The following DNAJC22 variants were observed in gnomAD, a reference collection of about 807,000 sequenced individuals.
The protein encoded by DNAJC22 is dnaJ homolog subfamily C member 22.
In DNAJC22, 24 loss-of-function variants were observed where a neutral mutation model predicts 22.2. The ratio of observed to expected loss-of-function variants is 1.08; its 90% confidence interval spans 0.78 to 1.52. The LOEUF (loss-of-function observed/expected upper bound fraction) is 1.52, where lower values mean the gene tolerates loss of function less well. DNAJC22 is among the 40% of genes most tolerant of loss of function. The pLI is 0.00. For synonymous variants in DNAJC22, 160 were observed against 167.4 expected, an observed-to-expected ratio of 0.96 and a Z score of 0.34; for missense variants, 434 against 421.7, an observed-to-expected ratio of 1.03 and a Z score of -0.26.
At position 49,351,713 on chromosome 12, in the gene DNAJC22, A is replaced by C. The variant is rs963483750; in HGVS notation, c.*211A>C. 8 of 358,728 alleles carry C rather than the reference A, an allele frequency of 2.2e-5. No homozygotes were observed. The highest frequency in any genetic ancestry group is 3.9e-5 in the Non-Finnish European group (8 of 204,876). 22.2% of individuals were successfully genotyped at this position (358,728 alleles called of 1,614,324 possible). The stretch of plus-strand genomic sequence containing the variant: ...GAGTTCGAGACCAGCAGCCTGGCCA[A>C]TATAGTGAAACTTCGTCTCTACTAA... On this transcript the variant is annotated 3_prime_UTR_variant, in exon 4 of 4. Transcript: ENST00000549441.
rs1314923289 is a variant in DNAJC22 at position 49,348,766 on chromosome 12, G to T, written c.-107G>T. ...GACTCTACTTTTTCCCATCTCTTAG[G>T]GTCTAAGGATAACTCTGGGGCCATG... is the stretch of plus-strand genomic sequence containing the variant. On this transcript the variant is annotated splice_region_variant and 5_prime_UTR_variant, in exon 3 of 4. Transcript: ENST00000549441. 2.9e-6 allele frequency: 4 copies of T among 1,384,286 alleles called. No individual in the cohort carries two copies. Among genetic ancestry groups the T allele is most frequent in the Admixed American group, 5.4e-5 (2 of 37,116 alleles). 85.8% of individuals were successfully genotyped at this position (1,384,286 alleles called of 1,614,324 possible).
rs1943749498 is a variant in DNAJC22 at position 49,349,480 on chromosome 12, A to G, written c.608A>G (p.Asn203Ser). ...TGPLAYSALCNTAATLSYVAE... is the reference protein window; with the variant it reads ...TGPLAYSALCSTAATLSYVAE... ...CCACTGGCATACAGTGCCCTCTGCA[A>G]CACAGCTGCCACCCTCAGCTATGTG... The change falls in exon 3 of 4, where the codon AAC (asparagine) becomes AGC (serine). Residue 203 changes from asparagine (N) to serine (S), a missense_variant. Coordinates refer to ENST00000549441, the MANE Select transcript of DNAJC22 (RefSeq NM_001304944.2). 2.5e-6 allele frequency: 4 copies of G among 1,614,202 alleles called. No individual in the cohort carries two copies. The East Asian group carries it at 8.9e-5, about 36-fold the overall frequency.
In DNAJC22 at chr12:49,352,543, T is replaced by C. The variant is rs1943796986; in HGVS notation, c.*1041T>C. 7.0e-6 allele frequency: 1 copy of C among 142,008 alleles called. No individual in the cohort carries two copies. The highest frequency in any genetic ancestry group is 2.1e-4 in the South Asian group (1 of 4,814). 8.8% of individuals were successfully genotyped at this position (142,008 alleles called of 1,614,324 possible). A position where few individuals can be genotyped will look rare whatever the true frequency, so the allele number is the denominator to read the frequency against. ...CTCAAAAATTAAATAAATAAATAAG[T>C]AAGTAAATAAATAAATAAATAAATG... On this transcript the variant is annotated 3_prime_UTR_variant, in exon 4 of 4. Transcript: ENST00000549441.
chr12:49,351,101 T>C (rs751944722), intron 3 of DNAJC22: 5 of 956,586 alleles, frequency 5.2e-6, no homozygotes, highest in Non-Finnish European at 6.2e-6. Flanking sequence ...TTGTCTATGT[T>C]TCAAAAGGCT....
At position 49,348,967 on chromosome 12, in the gene DNAJC22, T is replaced by A; in HGVS notation, c.95T>A (p.Leu32Gln). 6 of 1,542,364 alleles carry A rather than the reference T, an allele frequency of 3.9e-6. No individual in the cohort carries two copies. The highest frequency in any genetic ancestry group is 5.2e-6 in the Non-Finnish European group (6 of 1,147,988). The stretch of plus-strand genomic sequence containing the variant: ...TACCTGGGAAGGGACAGCCACGCCC[T>A]GCTCTGGATGCTGACCCTGGGGGGA... ...HLYLGRDSHA[L>Q]LWMLTLGGGG... Residue 32 changes from leucine to glutamine, a missense_variant, in exon 3 of 4, where the codon CTG becomes CAG. Leu to Gln is a moderately radical substitution (Grantham distance 113). Coordinates refer to ENST00000549441, the MANE Select transcript of DNAJC22 (RefSeq NM_001304944.2).
rs896639230 is a variant in DNAJC22 at position 49,349,406 on chromosome 12, C to A, written c.534C>A (p.Leu178=). 4 of 1,610,052 alleles carry A rather than the reference C, an allele frequency of 2.5e-6. No individual in the cohort carries two copies. The African/African-American group carries it at 5.4e-5, about 22-fold the overall frequency. ...AAGCTTTGGTGGCATCAGAGCCGCTCAGTGTGCGGCTCTATCGTCTGGGCT... is the reference window on the plus strand; with the variant it reads ...AAGCTTTGGTGGCATCAGAGCCGCTAAGTGTGCGGCTCTATCGTCTGGGCT... ...RYKALVASEP[L]SVRLYRLGLA... Residue 178 remains leucine, a synonymous_variant, in exon 3 of 4, where the codon CTC becomes CTA. Transcript: ENST00000549441.
At position 49,350,220 on chromosome 12, in the gene DNAJC22, ACGT is replaced by A. The variant is rs1943762365; in HGVS notation, c.840+509_840+511del. Reference sequence around the variant, plus strand: ...GCCTCCCGAGTAGCTGGGACTACAGACGTGTGCCACCACGCCCGGCTAATTTTT... The same window carrying A: ...GCCTCCCGAGTAGCTGGGACTACAGAGTGCCACCACGCCCGGCTAATTTTT... On this transcript the variant is annotated intron_variant, in intron 3 of 3. Transcript: ENST00000549441. 6.1e-5 allele frequency among the ~76,000 whole-genome samples: 9 copies of A among 147,972 alleles called. No individual in the cohort carries two copies. The South Asian group carries it at 2.0e-3, about 32-fold the overall frequency.
At position 49,351,421 on chromosome 12, in the gene DNAJC22, G is replaced by C; in HGVS notation, c.945G>C (p.Glu315Asp). 6.2e-7 allele frequency: 1 copy of C among 1,608,214 alleles called. No individual in the cohort carries two copies. Residue 315 changes from glutamate (E) to aspartate (D), a missense_variant, in exon 4 of 4, where the codon GAG becomes GAC. Transcript: ENST00000549441. ...ACCACAACCTGGACCAGACAGAGGA[G>C]GCACAGAGGCACTTCCTGGAGATCC... ...HPDHNLDQTE[E>D]AQRHFLEIQA...
Position 49,351,436 on chromosome 12 carries a change from C to G in DNAJC22, c.960C>G (p.Phe320Leu), listed in dbSNP as rs767434909. 5 of 1,605,452 alleles carry G rather than the reference C, an allele frequency of 3.1e-6. No individual in the cohort carries two copies. The highest frequency in any genetic ancestry group is 4.2e-6 in the Non-Finnish European group (5 of 1,176,932). ...AGACAGAGGAGGCACAGAGGCACTT[C>G]CTGGAGATCCAGGCTGCGTATGAAG... ...LDQTEEAQRH[F>L]LEIQAAYEVL... is the part of the protein sequence containing the mutation. Residue 320 changes from phenylalanine (F) to leucine (L), a missense_variant, in exon 4 of 4, where the codon TTC becomes TTG. Phe to Leu is a conservative substitution (Grantham distance 22). Transcript: ENST00000549441.
chr12:49,348,725 C>T lies in DNAJC22; in HGVS notation c.-107-41C>T. ...AGAGAAATGGTTGCTGTGTTGGAGC[C>T]TGGACATCATCTTATGACTCTACTT... On this transcript the variant is annotated intron_variant, in intron 2 of 3. Coordinates refer to ENST00000549441, the MANE Select transcript of DNAJC22 (RefSeq NM_001304944.2). The T allele has an allele frequency of 3.5e-6, 4 of 1,135,044 alleles. No homozygotes were observed. In the South Asian group the frequency reaches 1.2e-4, roughly 33 times the overall value. 70.3% of individuals were successfully genotyped at this position (1,135,044 alleles called of 1,614,324 possible).
chr12:49,352,340 A>G lies in DNAJC22; in HGVS notation c.*838A>G, dbSNP rs1943794727. On this transcript the variant is annotated 3_prime_UTR_variant, in exon 4 of 4. Transcript: ENST00000549441. ...CAGCCTGGCCAACCAACATGGTGAA[A>G]CCCCATCTCTACTAAAAATACAAAA... The G allele has an allele frequency of 6.6e-6, 1 of 152,134 alleles. No individual in the cohort carries two copies. Among genetic ancestry groups the G allele is most frequent in the Admixed American group, 6.5e-5 (1 of 15,270 alleles). 9.4% of individuals were successfully genotyped at this position (152,134 alleles called of 1,614,324 possible).
Position 49,352,460 on chromosome 12 carries a change from C to T in DNAJC22, c.*958C>T, listed in dbSNP as rs939998850. 6 of 152,146 alleles carry T rather than the reference C, an allele frequency of 3.9e-5. No homozygotes were observed. The highest frequency in any genetic ancestry group is 5.9e-5 in the Non-Finnish European group (4 of 68,032). 9.4% of individuals were successfully genotyped at this position (152,146 alleles called of 1,614,324 possible). A position where few individuals can be genotyped will look rare whatever the true frequency, so the allele number is the denominator to read the frequency against. ...GAGCCTGGGAGGTGGAGGTTGCAGT[C>T]AACTGAGATTGAGCCACTGCACTGT... On this transcript the variant is annotated 3_prime_UTR_variant, in exon 4 of 4. Coordinates refer to ENST00000549441, the MANE Select transcript of DNAJC22 (RefSeq NM_001304944.2).
At position 49,347,218 on chromosome 12, in the gene DNAJC22, C is replaced by T. The variant is rs1943711153; in HGVS notation, c.-903C>T. The T allele has an allele frequency of 6.6e-6, 1 of 152,344 alleles. No individual in the cohort carries two copies. The highest frequency in any genetic ancestry group is 6.5e-5 in the Admixed American group (1 of 15,294). The allele number at this position is 152,344 out of a possible 1,614,324, so 9.4% of individuals were successfully genotyped here. Reference sequence around the variant, plus strand: ...CGCAGGAAGGCAGACTACCACGAGCCTCGGGCTGCGGCCTCGCCCTCCTGG... The same window carrying T: ...CGCAGGAAGGCAGACTACCACGAGCTTCGGGCTGCGGCCTCGCCCTCCTGG... On this transcript the variant is annotated 5_prime_UTR_variant, in exon 1 of 4. Coordinates refer to ENST00000549441, the MANE Select transcript of DNAJC22 (RefSeq NM_001304944.2).
chr12:49,353,253 T>C lies in DNAJC22; in HGVS notation c.*1751T>C, dbSNP rs938833882. ...AGACCAGGAACATGATTTTAAATTA[T>C]GTGCCTTTACTGCAGCTTTCTTGCT... On this transcript the variant is annotated 3_prime_UTR_variant, in exon 4 of 4. Coordinates refer to ENST00000549441, the MANE Select transcript of DNAJC22 (RefSeq NM_001304944.2). 6.6e-6 allele frequency: 1 copy of C among 152,248 alleles called. No individual in the cohort carries two copies. Among genetic ancestry groups the C allele is most frequent in the Non-Finnish European group, 1.5e-5 (1 of 68,042 alleles). The allele number at this position is 152,248 out of a possible 1,614,324, so 9.4% of individuals were successfully genotyped here. A position where few individuals can be genotyped will look rare whatever the true frequency, so the allele number is the denominator to read the frequency against.
chr12:49,351,611 G>GC lies in DNAJC22; in HGVS notation c.*110dup. On this transcript the variant is annotated 3_prime_UTR_variant, in exon 4 of 4. Coordinates refer to ENST00000549441, the MANE Select transcript of DNAJC22 (RefSeq NM_001304944.2). ...CCCAACAGAGTTAAAGAAACTGCTT[G>GC]CAGGGGCTGGGCGTGGTGGCTCATG... The GC allele has an allele frequency of 8.0e-7, 1 of 1,255,758 alleles. No individual in the cohort carries two copies. The highest frequency in any genetic ancestry group is 1.1e-6 in the Non-Finnish European group (1 of 944,670). The allele number at this position is 1,255,758 out of a possible 1,614,324, so 77.8% of individuals were successfully genotyped here.
In DNAJC22 at chr12:49,349,417, T is replaced by C. The variant is rs777476252; in HGVS notation, c.545T>C (p.Leu182Pro). The C allele has an allele frequency of 5.0e-6, 8 of 1,612,892 alleles. No individual in the cohort carries two copies. Among genetic ancestry groups the C allele is most frequent in the Admixed American group, 3.3e-5 (2 of 59,796 alleles). ...GCATCAGAGCCGCTCAGTGTGCGGCTCTATCGTCTGGGCTTGGCTTACCTT... is the reference window on the plus strand; with the variant it reads ...GCATCAGAGCCGCTCAGTGTGCGGCCCTATCGTCTGGGCTTGGCTTACCTT... ...LVASEPLSVR[L>P]YRLGLAYLAF... Residue 182 changes from leucine to proline, a missense_variant, in exon 3 of 4, where the codon CTC becomes CCC. Transcript: ENST00000549441.
In DNAJC22 at chr12:49,349,366, G is replaced by T. The variant is rs1943746016; in HGVS notation, c.494G>T (p.Arg165Met). The T allele has an allele frequency of 1.2e-6, 2 of 1,606,108 alleles. No individual in the cohort carries two copies. The highest frequency in any genetic ancestry group is 2.7e-5 in the African/African-American group (2 of 74,624). ...ISVAASITAQ[R>M]HRRYKALVAS... ...GTGGCCGCCAGCATTACAGCTCAGAGGCATCGCCGCTACAAAGCTTTGGTG... is the reference window on the plus strand; with the variant it reads ...GTGGCCGCCAGCATTACAGCTCAGATGCATCGCCGCTACAAAGCTTTGGTG... Residue 165 changes from arginine to methionine, a missense_variant, in exon 3 of 4, where the codon AGG becomes ATG. Transcript: ENST00000549441.
rs1256676177 is a variant in DNAJC22 at position 49,349,546 on chromosome 12, T to C, written c.674T>C (p.Phe225Ser). ...TCCTTCTTGAATTGGTTCAGCTTCT[T>C]CCCCCTTCTTGGCCGCCTCATGGAG... is the stretch of plus-strand genomic sequence containing the variant. ...FGSFLNWFSF[F>S]PLLGRLMEFV... The change falls in exon 3 of 4, where the codon TTC becomes TCC. Residue 225 changes from phenylalanine (F) to serine (S), a missense_variant. By Grantham distance (155) the Phe-to-Ser change is radical (BLOSUM62 -2). Coordinates refer to ENST00000549441, the MANE Select transcript of DNAJC22 (RefSeq NM_001304944.2). 3 of 1,614,204 alleles carry C rather than the reference T, an allele frequency of 1.9e-6. No homozygotes were observed. The highest frequency in any genetic ancestry group is 3.3e-5 in the Admixed American group (2 of 60,028).
At position 49,351,751 on chromosome 12, in the gene DNAJC22, T is replaced by A; in HGVS notation, c.*249T>A. ...TCGTCTCTACTAAAAATACAAAAAA[T>A]TAGCCAGGAGTGGTGGCAGGCACCT... On this transcript the variant is annotated 3_prime_UTR_variant, in exon 4 of 4. Coordinates refer to ENST00000549441, the MANE Select transcript of DNAJC22 (RefSeq NM_001304944.2). The A allele has an allele frequency of 4.3e-6, 1 of 232,562 alleles. No individual in the cohort carries two copies. The highest frequency in any genetic ancestry group is 8.2e-6 in the Non-Finnish European group (1 of 121,274). 14.4% of individuals were successfully genotyped at this position (232,562 alleles called of 1,614,324 possible).
Sources: allele counts gnomAD v4.1 joint callset (sites outside exome capture counted in the v4.1 genomes callset), GRCh38; gene constraint gnomAD v4.1.1; transcripts MANE v1.5; gene names NCBI Gene and HGNC (gene_info 2026-07-23, HGNC 2026-07-21).